The following RFX8 variants were observed in gnomAD, a reference collection of about 807,000 sequenced individuals.
The protein encoded by RFX8 is DNA-binding protein RFX8.
A neutral mutation model predicts 54.6 loss-of-function variants in RFX8; 46 were observed. That is an observed-to-expected ratio of 0.84 (90% CI 0.67 to 1.08). RFX8 has a LOEUF of 1.08. Among genes scored for constraint, RFX8 ranks in the 50% least tolerant of loss-of-function variants. The pLI, the probability that RFX8 is intolerant of heterozygous loss-of-function variation, is 0.00. For synonymous variants in RFX8, 192 were observed against 209.5 expected, an observed-to-expected ratio of 0.92 and a Z score of 0.72; for missense variants, 536 against 562.3, an observed-to-expected ratio of 0.95 and a Z score of 0.47.
chr2:101,472,254 A>G (rs1282306023), intron 1 of RFX8, among the ~76,000 whole-genome samples: 1 of 152,132 alleles, frequency 6.6e-6, no homozygotes, highest in Non-Finnish European at 1.5e-5. Context: ...GGCGCCCGCC[A>G]CCACACCCAG....
At chr2:101,403,144 G>C (rs566181245) in intron 10 of RFX8, among the ~76,000 whole-genome samples, 10 of 152,228 alleles carry the variant, frequency 6.6e-5, no homozygotes, top group Non-Finnish European at 1.5e-4. Flanking sequence ...AACGGGGGCA[G>C]TGTGCAGAGG....
intron 6 of RFX8, 145 bp from the exon 7 acceptor site, chr2:101,415,057 T>G (rs1421352254): frequency 1.6e-6 from 1 of 622,928 alleles, no homozygotes; most frequent in Admixed American, 2.4e-5. Flanking sequence ...GCTGGCCCTC[T>G]CTGAGTGGCT....
rs188931341 is a variant in RFX8, at chr2:101,415,365, C to A, written c.503-453G>T. On this transcript the variant is annotated intron_variant, in intron 6 of 11. Coordinates refer to ENST00000428343, the MANE Select transcript of RFX8 (RefSeq NM_001145664.2). Reference sequence around the variant, plus strand: ...GCCATCTGTGAACTAGTAAGCAGACCTTCCCCAGACACCCATCTGCTGGTG... The same window carrying A: ...GCCATCTGTGAACTAGTAAGCAGACATTCCCCAGACACCCATCTGCTGGTG... 4.7e-3 allele frequency among the ~76,000 whole-genome samples: 712 copies of A among 152,322 alleles called. 12 individuals are homozygous for A. Among genetic ancestry groups the A allele is most frequent in the Admixed American group, 0.032 (488 of 15,300 alleles).
intron 6 of RFX8, among the ~76,000 whole-genome samples, chr2:101,416,982 A>G (rs1686556076): frequency 6.6e-6 from 1 of 152,204 alleles, no homozygotes; most frequent in Non-Finnish European, 1.5e-5. Flanking sequence ...CCACACCTAG[A>G]ACACCTTGAC....
chr2:101,409,165 C>T (rs1685937228), intron 9 of RFX8, among the ~76,000 whole-genome samples: 1 of 152,202 alleles, frequency 6.6e-6, no homozygotes, highest in African/African-American at 2.4e-5. Flanking sequence ...TTGGCAAGCA[C>T]AAAGTCTCAA....
At chr2:101,424,527 A>G (rs1052093251) in intron 2 of RFX8, among the ~76,000 whole-genome samples, 1 of 152,208 alleles carries the variant, frequency 6.6e-6, no homozygotes, top group African/African-American at 2.4e-5. Context: ...GTATATACCC[A>G]AAGGACTATA....
chr2:101,451,300 G>A (rs900469948), intron 2 of RFX8, among the ~76,000 whole-genome samples: 3 of 151,932 alleles, frequency 2.0e-5, no homozygotes, highest in Non-Finnish European at 2.9e-5. Flanking sequence ...ATTTCCCCTC[G>A]CAATTTAAAA....
intron 2 of RFX8, among the ~76,000 whole-genome samples, chr2:101,442,767 C>A (rs926476273): frequency 6.6e-6 from 1 of 152,124 alleles, no homozygotes; most frequent in African/African-American, 2.4e-5. Context: ...CTGGTTCCTG[C>A]TGGTGCTACC....
At chr2:101,449,487 T>C (rs1688562527) in intron 2 of RFX8, among the ~76,000 whole-genome samples, 1 of 152,070 alleles carries the variant, frequency 6.6e-6, no homozygotes, top group African/African-American at 2.4e-5. Context: ...TAACAAGGCT[T>C]TGTGACCCAC....
intron 1 of RFX8, among the ~76,000 whole-genome samples, chr2:101,467,438 G>A (rs571206830): frequency 2.0e-4 from 31 of 152,150 alleles, no homozygotes; most frequent in Non-Finnish European, 3.7e-4. Flanking sequence ...AAACCCCTGT[G>A]GTTTAGGGCA....
intron 2 of RFX8, among the ~76,000 whole-genome samples, chr2:101,464,403 C>CAGTACCGCCACAAAG (rs1215915277): frequency 6.6e-6 from 1 of 152,200 alleles, no homozygotes; most frequent in African/African-American, 2.4e-5. Context: ...ATCACATGCC[C>CAGTACCGCCACAAAG]AGTACCGCCA....
At chr2:101,399,737 T>G (rs1422785683) in intron 11 of RFX8, among the ~76,000 whole-genome samples, 5 of 152,184 alleles carry the variant, frequency 3.3e-5, no homozygotes, top group Admixed American at 1.3e-4. Flanking sequence ...GACATGAGTA[T>G]CCCCATAAGT....
At position 101,412,804 on chromosome 2, in the gene RFX8, G is replaced by A. The variant is rs528728331; in HGVS notation, c.718+111C>T. The A allele has an allele frequency of 3.2e-5, 33 of 1,026,916 alleles. No homozygotes were observed. In the Middle Eastern group the frequency reaches 7.8e-4, roughly 24 times the overall value. The allele number at this position is 1,026,916 out of a possible 1,614,324, so 63.6% of individuals were successfully genotyped here. ...GTGTGAGCAGACAACTTAGAACATC[G>A]GAGTTATAAAGTTCTACCCCTATTA... On this transcript the variant is annotated intron_variant, in intron 8 of 11. Transcript: ENST00000428343.
rs1011175143 is a variant in RFX8 at position 101,467,880 on chromosome 2, T to C, written c.-52-980A>G. On this transcript the variant is annotated intron_variant, in intron 1 of 11. Transcript: ENST00000428343. ...AGACCATCGTTCTTTAAAAAAAATATACAAAGCAAGCCAGTATAATTTTTA... is the reference window on the plus strand; with the variant it reads ...AGACCATCGTTCTTTAAAAAAAATACACAAAGCAAGCCAGTATAATTTTTA... 1.2e-3 allele frequency among the ~76,000 whole-genome samples: 175 copies of C among 152,116 alleles called. 4 individuals carry two copies. Among genetic ancestry groups the C allele is most frequent in the Admixed American group, 3.3e-3 (51 of 15,288 alleles).
At chr2:101,466,635 T>C (rs1262220213) in intron 2 of RFX8, 142 bp downstream of exon 2, 28 of 703,846 alleles carry the variant, frequency 4.0e-5, no homozygotes, top group Admixed American at 3.1e-4. Flanking sequence ...AGCTGAAGGA[T>C]GTTGACCAGC....
intron 2 of RFX8, among the ~76,000 whole-genome samples, chr2:101,444,547 G>A (rs966407413): frequency 6.6e-5 from 10 of 152,206 alleles, no homozygotes; most frequent in African/African-American, 1.2e-4. Flanking sequence ...AGACTGAGGC[G>A]AATCAGATGT....
At chr2:101,468,991 AGTATATATATACGTATATATATATAG>A (rs70946646) in intron 1 of RFX8, among the ~76,000 whole-genome samples, 66,727 of 124,554 alleles carry the variant, frequency 0.54, 20,496 homozygotes, top group Non-Finnish European at 0.62. Context: ...TATATATATA[AGTATATATATACGTATATATATATAG>A]GTATATATAT....
At chr2:101,453,631 T>G (rs1008833490) in intron 2 of RFX8, among the ~76,000 whole-genome samples, 1 of 152,194 alleles carries the variant, frequency 6.6e-6, no homozygotes, top group African/African-American at 2.4e-5. Context: ...CAGTCTTTTT[T>G]TCAAAGCCCC....
chr2:101,443,764 A>C (rs1487419309), intron 2 of RFX8, among the ~76,000 whole-genome samples: 1 of 152,166 alleles, frequency 6.6e-6, no homozygotes. Context: ...TAAAATCCAA[A>C]GAAAAGCCTG....
Sources: allele counts gnomAD v4.1 joint callset (sites outside exome capture counted in the v4.1 genomes callset), GRCh38; gene constraint gnomAD v4.1.1; transcripts MANE v1.5; gene names NCBI Gene and HGNC (gene_info 2026-07-23, HGNC 2026-07-21).